TMC2: variants seen among roughly 807,000 people sequenced by gnomAD.
TMC2 encodes the protein transmembrane channel-like protein 2.
A neutral mutation model predicts 105.9 loss-of-function variants in TMC2; 102 were observed. The ratio of observed to expected loss-of-function variants is 0.96; its 90% CI spans 0.82 to 1.14. TMC2 has a LOEUF of 1.14. TMC2 is among the 50% of genes most tolerant of loss of function. The pLI, the probability that TMC2 is intolerant of heterozygous loss-of-function variation, is 0.00. For synonymous variants in TMC2, 402 were observed against 422.8 expected, an observed-to-expected ratio of 0.95 and a Z score of 0.60; for missense variants, 1,093 against 1,134.3, an observed-to-expected ratio of 0.96 and a Z score of 0.52.
intron 19 of TMC2, among the ~76,000 whole-genome samples, chr20:2,638,197 C>T (rs1168139371): frequency 2.0e-5 from 3 of 151,988 alleles, no homozygotes; most frequent in Non-Finnish European, 2.9e-5. Context: ...AAAAATTAGC[C>T]GGGCGTGGTG....
intron 13 of TMC2, 132 bp from the exon 14 acceptor site, chr20:2,613,062 A>G: frequency 1.6e-6 from 2 of 1,235,766 alleles, no homozygotes; most frequent in Non-Finnish European, 2.2e-6. Flanking sequence ...TCACACACAA[A>G]GGATCAGAGG....
At chr20:2,539,261 A>G (rs559437998) in intron 2 of TMC2, among the ~76,000 whole-genome samples, 34 of 152,290 alleles carry the variant, frequency 2.2e-4, no homozygotes, top group African/African-American at 7.9e-4. Flanking sequence ...TATGAAAGAG[A>G]AAAAAACAGC....
At chr20:2,560,202 G>C (rs185148187) in intron 3 of TMC2, among the ~76,000 whole-genome samples, 1 of 151,930 alleles carries the variant, frequency 6.6e-6, no homozygotes, top group African/African-American at 2.4e-5. Context: ...ACCCCAAACT[G>C]TGGGAACACC....
At position 2,643,226 on chromosome 20, in the gene TMC2, C is replaced by A. The variant is rs4815449; in HGVS notation, c.*1875C>A. Among the ~76,000 whole-genome samples, 4 of 151,914 alleles carry A rather than the reference C, an allele frequency of 2.6e-5. No individual in the cohort carries two copies. The highest frequency in any genetic ancestry group is 6.6e-5 in the Admixed American group (1 of 15,248). On this transcript the variant is annotated 3_prime_UTR_variant, in exon 20 of 20. Coordinates refer to ENST00000358864, the MANE Select transcript of TMC2 (RefSeq NM_080751.3). Reference sequence around the variant, plus strand: ...CTGCCTGTGTGTCATATGCCTTCCCCCAAGCTAACCTACCTGAAACCTCAG... The same window carrying A: ...CTGCCTGTGTGTCATATGCCTTCCCACAAGCTAACCTACCTGAAACCTCAG...
At chr20:2,621,182 G>A (rs1295126308) in intron 16 of TMC2, among the ~76,000 whole-genome samples, 1 of 152,056 alleles carries the variant, frequency 6.6e-6, no homozygotes, top group African/African-American at 2.4e-5. Flanking sequence ...CCAACATGGT[G>A]AAACCCCGTT....
intron 2 of TMC2, among the ~76,000 whole-genome samples, chr20:2,540,646 G>C (rs2085883514): frequency 7.5e-6 from 1 of 133,992 alleles, no homozygotes; most frequent in African/African-American, 2.9e-5. Context: ...GGGCGGCAGA[G>C]AGGGACTCTC....
At chr20:2,542,446 T>C (rs962802644) in intron 2 of TMC2, among the ~76,000 whole-genome samples, 2 of 152,160 alleles carry the variant, frequency 1.3e-5, no homozygotes, top group African/African-American at 4.8e-5. Context: ...CTTCCAAGTA[T>C]AGGAGAGGGA....
At chr20:2,590,200 AAAC>A (rs1255601129) in intron 7 of TMC2, among the ~76,000 whole-genome samples, 2 of 152,206 alleles carry the variant, frequency 1.3e-5, no homozygotes, top group African/African-American at 4.8e-5. Context: ...AGGCAAAACT[AAAC>A]AGGCAAAACA....
At chr20:2,597,538 A>G (rs1037124434) in intron 10 of TMC2, among the ~76,000 whole-genome samples, 1 of 152,062 alleles carries the variant, frequency 6.6e-6, no homozygotes, top group African/African-American at 2.4e-5. Context: ...CCCAGGCTGG[A>G]GTGCAGTGGT....
intron 18 of TMC2, among the ~76,000 whole-genome samples, chr20:2,636,755 C>G (rs555271838): frequency 1.4e-3 from 160 of 117,884 alleles, no homozygotes; most frequent in African/African-American, 4.4e-3. Context: ...TCCCAAGTAG[C>G]TGGGACTACA....
At chr20:2,632,779 T>C (rs564820000) in intron 17 of TMC2, among the ~76,000 whole-genome samples, 2 of 151,878 alleles carry the variant, frequency 1.3e-5, no homozygotes, top group Non-Finnish European at 2.9e-5. Flanking sequence ...TTAGTAGAAA[T>C]GGGGTTTCCC....
intron 11 of TMC2, among the ~76,000 whole-genome samples, chr20:2,609,521 A>G (rs969910597): frequency 6.6e-6 from 1 of 152,194 alleles, no homozygotes; most frequent in Admixed American, 6.5e-5. Context: ...CCAAAGCACA[A>G]ACAATAGTAG....
rs2086428127 is a variant in TMC2, at chr20:2,610,483, T to C, written c.1478T>C (p.Leu493Pro). 2 of 1,613,836 alleles carry C rather than the reference T, an allele frequency of 1.2e-6. No individual in the cohort carries two copies. The highest frequency in any genetic ancestry group is 1.3e-5 in the African/African-American group (1 of 74,992). ...CPPLFETIAA[L>P]ENYHPRTGLK... ...CCTCTGTTTGAAACCATCGCTGCCC[T>C]GGAGAATTACCACCCACGCACTGGA... The change falls in exon 12 of 20, where the codon CTG (leucine) becomes CCG (proline). Residue 493 changes from leucine to proline, a missense_variant. Transcript: ENST00000358864.
chr20:2,541,058 CCTAA>C (rs2085886742), intron 2 of TMC2, among the ~76,000 whole-genome samples: 2 of 152,160 alleles, frequency 1.3e-5, no homozygotes, highest in Admixed American at 1.3e-4. Context: ...CTGGAATCCT[CCTAA>C]CTTGCTACCA....
In TMC2 at chr20:2,610,971, A is replaced by G. The variant is rs79448598; in HGVS notation, c.1593+373A>G. 3.1e-3 allele frequency among the ~76,000 whole-genome samples: 471 copies of G among 152,306 alleles called. 14 individuals carry two copies. In the East Asian group the frequency reaches 0.05, roughly 16 times the overall value. Reference sequence around the variant, plus strand: ...AACCGTTTATCAATGCTCACCACACAATTATGGAGCACCCACAATGGCAGG... The same window carrying G: ...AACCGTTTATCAATGCTCACCACACGATTATGGAGCACCCACAATGGCAGG... On this transcript the variant is annotated intron_variant, in intron 12 of 19. Coordinates refer to ENST00000358864, the MANE Select transcript of TMC2 (RefSeq NM_080751.3).
At chr20:2,618,991 C>G (rs149422948) in intron 16 of TMC2, among the ~76,000 whole-genome samples, 64 of 152,226 alleles carry the variant, frequency 4.2e-4, no homozygotes, top group African/African-American at 1.5e-3. Flanking sequence ...CATGAGCAAC[C>G]CTGAGGGCAT....
chr20:2,600,986 G>GA (rs55710696), intron 10 of TMC2, among the ~76,000 whole-genome samples: 154 of 90,514 alleles, frequency 1.7e-3, no homozygotes, highest in Non-Finnish European at 2.3e-3. Context: ...GACTGTCTCA[G>GA]AAAAAAAAAA....
rs1331512839 is a variant in TMC2 at position 2,558,520 on chromosome 20, G to A, written c.147G>A (p.Arg49=). Reference sequence around the variant, plus strand: ...TCAAAGCCGAGGGGACCCCAGGCAGGCGCGGAGCTCAGCGAAGCCAGAAGG... The same window carrying A: ...TCAAAGCCGAGGGGACCCCAGGCAGACGCGGAGCTCAGCGAAGCCAGAAGG... ...RALKAEGTPG[R]RGAQRSQKER... Residue 49 remains arginine, a synonymous_variant, in exon 3 of 20, where the codon AGG becomes AGA. Transcript: ENST00000358864. This position sits in a 1 kb window ranked among gnomAD's most constrained non-coding sequence, Gnocchi z 4.6. The A allele has an allele frequency of 1.9e-6, 3 of 1,556,334 alleles. No individual in the cohort carries two copies. The South Asian group carries it at 3.6e-5, about 18-fold the overall frequency.
rs2146246524 is a variant in TMC2, at chr20:2,616,371, G to C, written c.1940+167G>C. ...AAGAGCGGGACTAGATGAGAAGCAG[G>C]ACAGTTTCTGGCCCACCCATGTGCT... On this transcript the variant is annotated intron_variant, in intron 15 of 19. Transcript: ENST00000358864. This position sits in a 1 kb window ranked among gnomAD's most constrained non-coding sequence, Gnocchi z 4.8. Among the ~76,000 whole-genome samples, 1 of 152,206 alleles carries C rather than the reference G, an allele frequency of 6.6e-6. No homozygotes were observed. The highest frequency in any genetic ancestry group is 1.9e-4 in the East Asian group (1 of 5,170).
Sources: allele counts gnomAD v4.1 joint callset (sites outside exome capture counted in the v4.1 genomes callset), GRCh38; gene constraint gnomAD v4.1.1; non-coding constraint Gnocchi (gnomAD v3.1); transcripts MANE v1.5; gene names NCBI Gene and HGNC (gene_info 2026-07-23, HGNC 2026-07-21).